ANKFN1: variants seen among roughly 807,000 people sequenced by gnomAD.
The protein encoded by ANKFN1 is ankyrin repeat and fibronectin type III domain containing 1.
A neutral mutation model predicts 108.7 loss-of-function variants in ANKFN1; 74 were observed. The observed-to-expected ratio is 0.68, with a 90% confidence interval of 0.56 to 0.83. The LOEUF is 0.83. ANKFN1 is among the 40% of genes least tolerant of loss of function. The probability of loss-of-function intolerance (pLI) is 0.00; values close to 1 mark genes in which losing one functional copy is unlikely to be tolerated. For missense variants in ANKFN1, 1,505 were observed against 1,382.3 expected, an observed-to-expected ratio of 1.09 and a Z score of -1.41; for synonymous variants, 547 against 516.2, an observed-to-expected ratio of 1.06 and a Z score of -0.81.
At chr17:56,062,096 CTGTT>C (rs1348216188) in intron 4 of ANKFN1, among the ~76,000 whole-genome samples, 5 of 152,148 alleles carry the variant, frequency 3.3e-5, no homozygotes, top group Admixed American at 6.5e-5. Flanking sequence ...GCCTGAGAGA[CTGTT>C]TGTTATGATT....
chr17:56,330,527 C>T (rs977943752), intron 4 of ANKFN1, among the ~76,000 whole-genome samples: 2 of 152,176 alleles, frequency 1.3e-5, no homozygotes, highest in African/African-American at 4.8e-5. Flanking sequence ...TCGCATACCA[C>T]ACTATTTCAT....
intron 4 of ANKFN1, among the ~76,000 whole-genome samples, chr17:56,121,830 G>T (rs1906638946): frequency 6.6e-6 from 1 of 152,216 alleles, no homozygotes; most frequent in South Asian, 2.1e-4. Flanking sequence ...TTGGCTGTAG[G>T]TCCAATGTAG....
chr17:56,412,023 C>G (rs2048108056), intron 8 of ANKFN1, among the ~76,000 whole-genome samples: 1 of 152,100 alleles, frequency 6.6e-6, no homozygotes, highest in Admixed American at 6.5e-5. Flanking sequence ...AAATTATTCT[C>G]TCCTCTTTGA....
chr17:56,419,991 T>C (rs2048353583), intron 8 of ANKFN1, among the ~76,000 whole-genome samples: 1 of 152,102 alleles, frequency 6.6e-6, no homozygotes, highest in Non-Finnish European at 1.5e-5. Context: ...CTTTCCAGCT[T>C]CATCTCCTAC....
intron 6 of ANKFN1, among the ~76,000 whole-genome samples, chr17:56,365,441 C>T (rs557262729): frequency 3.3e-5 from 5 of 152,188 alleles, no homozygotes; most frequent in African/African-American, 1.2e-4. Context: ...TAAAGATTAT[C>T]ATTAATTTGT....
At chr17:56,146,762 A>G (rs1908284701) in intron 4 of ANKFN1, among the ~76,000 whole-genome samples, 1 of 152,128 alleles carries the variant, frequency 6.6e-6, no homozygotes, top group Admixed American at 6.5e-5. Context: ...CAAGGCTGTG[A>G]TAGGAGGGAC....
At chr17:56,146,506 C>T (rs895604814) in intron 4 of ANKFN1, among the ~76,000 whole-genome samples, 4 of 152,212 alleles carry the variant, frequency 2.6e-5, no homozygotes, top group African/African-American at 4.8e-5. Context: ...CATCCCAAAC[C>T]TCAATTTTTA....
intron 18 of ANKFN1, among the ~76,000 whole-genome samples, chr17:56,485,790 G>C (rs1162504302): frequency 6.6e-6 from 1 of 152,172 alleles, no homozygotes; most frequent in Non-Finnish European, 1.5e-5. Flanking sequence ...CCCTAGAACA[G>C]TGCTTCTCAA....
intron 3 of ANKFN1, among the ~76,000 whole-genome samples, chr17:56,245,116 A>G (rs1348762591): frequency 6.6e-6 from 1 of 152,142 alleles, no homozygotes; most frequent in Non-Finnish European, 1.5e-5. Context: ...TTTCTGTAAT[A>G]GACAAATTTA....
intron 4 of ANKFN1, among the ~76,000 whole-genome samples, chr17:56,088,078 C>T (rs1398943321): frequency 6.6e-6 from 1 of 151,240 alleles, no homozygotes; most frequent in Admixed American, 6.6e-5. Context: ...AGTCACGTTG[C>T]TCTTACTTTC....
At chr17:56,216,474 T>C (rs1038916263) in intron 2 of ANKFN1, among the ~76,000 whole-genome samples, 5 of 152,222 alleles carry the variant, frequency 3.3e-5, no homozygotes, top group African/African-American at 4.8e-5. Flanking sequence ...AAGATTTGAA[T>C]ATAAATGGAA....
chr17:56,425,394 T>C (rs1444150993), intron 8 of ANKFN1, among the ~76,000 whole-genome samples: 1 of 152,246 alleles, frequency 6.6e-6, no homozygotes, highest in Non-Finnish European at 1.5e-5. Context: ...ACTACAGCAT[T>C]GACTCTCTCC....
chr17:56,471,111 G>T, intron 15 of ANKFN1: 1 of 151,848 alleles, frequency 6.6e-6, no homozygotes, highest in Admixed American at 6.6e-5. Flanking sequence ...GAGTCGTTTT[G>T]TGTCCAGTTT....
intron 1 of ANKFN1, among the ~76,000 whole-genome samples, chr17:56,180,966 T>C (rs528604867): frequency 2.4e-4 from 36 of 152,318 alleles, no homozygotes; most frequent in Non-Finnish European, 3.8e-4. Context: ...GTTCATTAAC[T>C]ACAAAACATG....
upstream of ANKFN1, among the ~76,000 whole-genome samples, chr17:56,152,256 ATATATATGTG>A (rs1030162573): frequency 1.3e-4 from 10 of 79,322 alleles, no homozygotes; most frequent in Admixed American, 1.1e-3. Flanking sequence ...ATATATATAT[ATATATATGTG>A]TGTGTGTGTG....
intron 4 of ANKFN1, among the ~76,000 whole-genome samples, chr17:56,055,056 C>CTT (rs753314197): frequency 6.9e-6 from 1 of 143,938 alleles, no homozygotes; most frequent in Non-Finnish European, 1.5e-5. Flanking sequence ...TGGCAATTTC[C>CTT]TTTTTTTTTT....
chr17:56,226,100 T>G (rs1051938815), intron 2 of ANKFN1, among the ~76,000 whole-genome samples: 1 of 151,496 alleles, frequency 6.6e-6, no homozygotes, highest in African/African-American at 2.4e-5. Flanking sequence ...TTCAGTGGAC[T>G]TTTTTTTTGT....
chr17:56,352,482 G>A (rs1430592682), intron 5 of ANKFN1, among the ~76,000 whole-genome samples: 1 of 152,158 alleles, frequency 6.6e-6, no homozygotes, highest in Non-Finnish European at 1.5e-5. Context: ...AGCAACTCTT[G>A]GTGAAGATAC....
chr17:56,286,200 T>A (rs960577472), intron 3 of ANKFN1, among the ~76,000 whole-genome samples: 2 of 152,154 alleles, frequency 1.3e-5, no homozygotes, highest in African/African-American at 4.8e-5. Flanking sequence ...AAAGCTCCCC[T>A]GGCAGGATGA....
Sources: allele counts gnomAD v4.1 joint callset (sites outside exome capture counted in the v4.1 genomes callset), GRCh38; gene constraint gnomAD v4.1.1; transcripts MANE v1.5; gene names NCBI Gene and HGNC (gene_info 2026-07-23, HGNC 2026-07-21).